FKTN: variants seen among roughly 807,000 people sequenced by gnomAD.
FKTN encodes ribitol-5-phosphate transferase FKTN.
A neutral mutation model predicts 58.6 loss-of-function variants in FKTN; 47 were observed. The observed-to-expected ratio is 0.80, with a 90% CI of 0.63 to 1.02. The LOEUF (loss-of-function observed/expected upper bound fraction) is 1.02, where lower values mean the gene tolerates loss of function less well. Among genes scored for constraint, FKTN ranks in the 50% least tolerant of loss-of-function variants. The pLI is 0.00. For missense variants in FKTN, 516 were observed against 537.3 expected, an observed-to-expected ratio of 0.96 and a Z score of 0.39; for synonymous variants, 178 against 191.9, an observed-to-expected ratio of 0.93 and a Z score of 0.60.
At chr9:105,568,958 C>T (rs1420274508) in intron 1 of FKTN, among the ~76,000 whole-genome samples, 2 of 152,126 alleles carry the variant, frequency 1.3e-5, no homozygotes, top group African/African-American at 4.8e-5. Context: ...ATTATGCAGC[C>T]ATAAAAAAGG....
At chr9:105,578,030 A>T (rs1842084084) in intron 3 of FKTN, among the ~76,000 whole-genome samples, 2 of 151,982 alleles carry the variant, frequency 1.3e-5, no homozygotes, top group African/African-American at 4.8e-5. Context: ...GTATCTTGAG[A>T]CTTTGCTGAA....
chr9:105,631,389 G>A (rs931659199), intron 10 of FKTN, among the ~76,000 whole-genome samples: 2 of 152,138 alleles, frequency 1.3e-5, no homozygotes, highest in African/African-American at 2.4e-5. Flanking sequence ...TTTATGTTTT[G>A]TAGGAAATTC....
intron 4 of FKTN, 60 bp from the exon 5 acceptor site, chr9:105,601,085 A>G: frequency 1.1e-6 from 1 of 934,840 alleles, no homozygotes; most frequent in South Asian, 1.4e-5. Flanking sequence ...TTAAAATGTT[A>G]TAAAATAGAC....
At position 105,639,704 on chromosome 9, in the gene FKTN, A is replaced by G; in HGVS notation, c.*4440A>G. ...ACATTAATTATATTACATTAATACA[A>G]TATATGGTTTGTGAATTCAGAGACA... On this transcript the variant is annotated 3_prime_UTR_variant, in exon 11 of 11. Coordinates refer to ENST00000357998, the MANE Select transcript of FKTN (RefSeq NM_001079802.2). 1.1e-6 allele frequency: 1 copy of G among 947,142 alleles called. No individual in the cohort carries two copies. Among genetic ancestry groups the G allele is most frequent in the Non-Finnish European group, 1.3e-6 (1 of 788,096 alleles). 58.7% of individuals were successfully genotyped at this position (947,142 alleles called of 1,614,324 possible).
At chr9:105,619,058 T>TAA (rs80255150) in intron 9 of FKTN, among the ~76,000 whole-genome samples, 10 of 136,712 alleles carry the variant, frequency 7.3e-5, no homozygotes, top group South Asian at 2.4e-4. Flanking sequence ...GACTCCGTCT[T>TAA]AAAAAAAAAA....
In FKTN at chr9:105,570,892, CAA is replaced by C. The variant is rs771130331; in HGVS notation, c.-180-2762_-180-2761del. ...TGGAAGTAAATGAGAACATTGCAGACAAGAGGTAATGGGCAAAAACACAGAGG... is the reference window on the plus strand; with the variant it reads ...TGGAAGTAAATGAGAACATTGCAGACGAGGTAATGGGCAAAAACACAGAGG... On this transcript the variant is annotated intron_variant, in intron 1 of 10. Coordinates refer to ENST00000357998, the MANE Select transcript of FKTN (RefSeq NM_001079802.2). Among the ~76,000 whole-genome samples the C allele has an allele frequency of 1.1e-4, 16 of 152,128 alleles. No individual in the cohort carries two copies. In the South Asian group the frequency reaches 1.7e-3, roughly 16 times the overall value.
At chr9:105,578,582 T>C (rs899594270) in intron 3 of FKTN, among the ~76,000 whole-genome samples, 7 of 151,516 alleles carry the variant, frequency 4.6e-5, no homozygotes, top group Non-Finnish European at 5.9e-5. Context: ...CAGTATTTTA[T>C]TGAGGATTTT....
chr9:105,601,811 A>C (rs147076591), intron 5 of FKTN, among the ~76,000 whole-genome samples: 81 of 152,338 alleles, frequency 5.3e-4, no homozygotes, highest in African/African-American at 1.9e-3. Context: ...TTATTTTTAC[A>C]AAGAATATTT....
At chr9:105,599,142 C>T (rs1827368493) in intron 4 of FKTN, among the ~76,000 whole-genome samples, 1 of 152,142 alleles carries the variant, frequency 6.6e-6, no homozygotes, top group Non-Finnish European at 1.5e-5. Flanking sequence ...TGCCTTTCAT[C>T]AAGTTGAGGA....
chr9:105,596,803 C>T (rs1015608993), intron 4 of FKTN, 146 bp downstream of exon 4: 2 of 696,556 alleles, frequency 2.9e-6, no homozygotes, highest in African/African-American at 1.8e-5. Flanking sequence ...AAGGGACAGG[C>T]CCTTTACCAA....
At chr9:105,593,347 G>C (rs1845248571) in intron 3 of FKTN, among the ~76,000 whole-genome samples, 1 of 152,144 alleles carries the variant, frequency 6.6e-6, no homozygotes, top group Non-Finnish European at 1.5e-5. Flanking sequence ...ACGAGAAACT[G>C]TTTACATGAT....
intron 10 of FKTN, among the ~76,000 whole-genome samples, chr9:105,621,576 A>G (rs1001883220): frequency 6.6e-6 from 1 of 152,084 alleles, no homozygotes; most frequent in South Asian, 2.1e-4. Context: ...TTACAGAGAT[A>G]ACCATGATTA....
chr9:105,558,993 G>A (rs1167144728), intron 1 of FKTN, among the ~76,000 whole-genome samples: 2 of 152,248 alleles, frequency 1.3e-5, no homozygotes, highest in Non-Finnish European at 2.9e-5. Flanking sequence ...TGGAAAGGAA[G>A]TGCAGGGTGT....
chr9:105,634,874 G>A (rs528472404), intron 10 of FKTN, among the ~76,000 whole-genome samples, 177 bp from the exon 11 acceptor site: 2 of 152,284 alleles, frequency 1.3e-5, no homozygotes, highest in African/African-American at 4.8e-5. Context: ...AACAGGAAAG[G>A]AAAATTGGAG....
In FKTN at chr9:105,636,418, A is replaced by G; in HGVS notation, c.*1154A>G. ...AACTATTCACCCTACCTCAGATCATAGAGTTTGTAAAGTTTGTGTCCCTCC... is the reference window on the plus strand; with the variant it reads ...AACTATTCACCCTACCTCAGATCATGGAGTTTGTAAAGTTTGTGTCCCTCC... On this transcript the variant is annotated 3_prime_UTR_variant, in exon 11 of 11. Transcript: ENST00000357998. 1.0e-6 allele frequency: 1 copy of G among 990,606 alleles called. No homozygotes were observed. The highest frequency in any genetic ancestry group is 4.5e-5 in the South Asian group (1 of 22,026). The allele number at this position is 990,606 out of a possible 1,614,324, so 61.4% of individuals were successfully genotyped here.
At chr9:105,592,588 G>A (rs1418472569) in intron 3 of FKTN, among the ~76,000 whole-genome samples, 3 of 152,128 alleles carry the variant, frequency 2.0e-5, no homozygotes, top group African/African-American at 4.8e-5. Flanking sequence ...AGTGAGCCAC[G>A]ATCATACCAC....
At chr9:105,578,486 A>C in intron 3 of FKTN, among the ~76,000 whole-genome samples, 1 of 131,382 alleles carries the variant, frequency 7.6e-6, no homozygotes. Flanking sequence ...TGATTTGCGT[A>C]TATTGAACCA....
rs915906613 is a variant in FKTN at position 105,635,821 on chromosome 9, T to C, written c.*557T>C. On this transcript the variant is annotated 3_prime_UTR_variant, in exon 11 of 11. Coordinates refer to ENST00000357998, the MANE Select transcript of FKTN (RefSeq NM_001079802.2). ...ATTTTTCAACTAATCTTATGTGGAATTGAATTAGAGAACAAGGCATTATTC... is the reference window on the plus strand; with the variant it reads ...ATTTTTCAACTAATCTTATGTGGAACTGAATTAGAGAACAAGGCATTATTC... 2.0e-6 allele frequency: 2 copies of C among 999,800 alleles called. No individual in the cohort carries two copies. The highest frequency in any genetic ancestry group is 3.5e-5 in the African/African-American group (2 of 57,190). 61.9% of individuals were successfully genotyped at this position (999,800 alleles called of 1,614,324 possible).
rs370874230 is a variant in FKTN, at chr9:105,581,439, G to A, written c.105+6302G>A. On this transcript the variant is annotated intron_variant, in intron 3 of 10. Coordinates refer to ENST00000357998, the MANE Select transcript of FKTN (RefSeq NM_001079802.2). ...GAGTACCCTGCCTTGTGAGGTGTCA[G>A]TGTGCCCCTGCTGCGGGGTGCCTCC... 3.9e-4 allele frequency among the ~76,000 whole-genome samples: 58 copies of A among 149,782 alleles called. No individual in the cohort carries two copies. In the South Asian group the frequency reaches 0.012, roughly 31 times the overall value.
Sources: allele counts gnomAD v4.1 joint callset (sites outside exome capture counted in the v4.1 genomes callset), GRCh38; gene constraint gnomAD v4.1.1; transcripts MANE v1.5; gene names NCBI Gene and HGNC (gene_info 2026-07-23, HGNC 2026-07-21).